Variants in XYLB observed in about 807,000 individuals in gnomAD.
The protein encoded by XYLB is xylulokinase.
In XYLB, 62 loss-of-function variants were observed where a neutral mutation model predicts 78.7. The ratio of observed to expected loss-of-function variants is 0.79; its 90% CI spans 0.64 to 0.97. The LOEUF is 0.97. Among genes scored for constraint, XYLB ranks in the 50% least tolerant of loss-of-function variants. The pLI is 0.00. For missense variants in XYLB, 687 were observed against 676.8 expected (o/e 1.02, Z -0.17); for synonymous variants, 245 against 247.4 (o/e 0.99, Z 0.09).
At chr3:38,437,394 T>C in the XYLB span, among the ~76,000 whole-genome samples, 1 of 152,118 alleles carries the variant, frequency 6.6e-6, no homozygotes, top group Non-Finnish European at 1.5e-5. Flanking sequence ...AACATAGTAC[T>C]GGAAGTCCTA....
At chr3:38,407,891 T>C (rs1263679142) in intron 18 of XYLB, among the ~76,000 whole-genome samples, 3 of 151,372 alleles carry the variant, frequency 2.0e-5, no homozygotes, top group Non-Finnish European at 3.0e-5. Flanking sequence ...AAGCAAGTCC[T>C]GAGTGACCTA....
chr3:38,415,460 C>T (rs548354960), downstream of XYLB, among the ~76,000 whole-genome samples: 185 of 152,214 alleles, frequency 1.2e-3, no homozygotes, highest in Non-Finnish European at 2.2e-3. Context: ...GGTGGAAGAA[C>T]CGTATTAGTC....
In XYLB at chr3:38,374,027, TAA is replaced by T. The variant is rs71959934; in HGVS notation, c.848-424_848-423del. ...AGTGAGACCCCACCTATATATCTCT[TAA>T]AAAAAAAAAAGATTGCTGTTGTGGG... On this transcript the variant is annotated intron_variant, in intron 10 of 18. Coordinates refer to ENST00000207870, the MANE Select transcript of XYLB (RefSeq NM_005108.4). Among the ~76,000 whole-genome samples, 46 of 147,026 alleles carry T rather than the reference TAA, an allele frequency of 3.1e-4. 1 individual carries two copies. The highest frequency in any genetic ancestry group is 1.5e-4 in the Non-Finnish European group (10 of 66,128).
chr3:38,363,054 T>C, intron 4 of XYLB, 37 bp downstream of exon 4: 1 of 1,482,172 alleles, frequency 6.7e-7, no homozygotes, highest in Non-Finnish European at 9.0e-7. Context: ...CATGTGAGGG[T>C]GACTGTCCTG....
chr3:38,356,893 G>C (rs918326635), intron 2 of XYLB: 1 of 152,224 alleles, frequency 6.6e-6, no homozygotes, highest in African/African-American at 2.4e-5. Flanking sequence ...TATATTTGGA[G>C]GTGAGGCCTT....
intron 15 of XYLB, among the ~76,000 whole-genome samples, chr3:38,388,196 T>C: frequency 6.7e-6 from 1 of 150,008 alleles, no homozygotes; most frequent in Non-Finnish European, 1.5e-5. Flanking sequence ...TTTTTTACTT[T>C]TATCATTTAA....
downstream of XYLB, among the ~76,000 whole-genome samples, chr3:38,422,283 C>T (rs1709003092): frequency 6.6e-6 from 1 of 152,102 alleles, no homozygotes; most frequent in African/African-American, 2.4e-5. Flanking sequence ...ACTTCTGTTC[C>T]CTGGAAAGCA....
At chr3:38,422,092 A>C (rs1029500207), downstream of XYLB, among the ~76,000 whole-genome samples, 1 of 152,154 alleles carries the variant, frequency 6.6e-6, no homozygotes, top group African/African-American at 2.4e-5. Context: ...ATTAATCAAC[A>C]TGGACCAGGT....
In XYLB at chr3:38,365,213, A is replaced by C; in HGVS notation, c.306A>C (p.Ile102=). The stretch of plus-strand genomic sequence containing the variant: ...TTTCCCAACAGCAACACGGAAGTAT[A>C]TACTGGAAGGCTGGAGCCCAGCAGG... The part of the protein sequence containing the change: ...LSGAGQQHGS[I]YWKAGAQQAL... Residue 102 remains isoleucine, a synonymous_variant, in exon 5 of 19, where the codon ATA becomes ATC. Transcript: ENST00000207870. 1 of 1,614,184 alleles carries C rather than the reference A, an allele frequency of 6.2e-7. No individual in the cohort carries two copies. The highest frequency in any genetic ancestry group is 8.5e-7 in the Non-Finnish European group (1 of 1,180,040).
intron 1 of XYLB, 118 bp from the exon 2 acceptor site, chr3:38,348,432 G>T: frequency 1.2e-6 from 1 of 847,690 alleles, no homozygotes; most frequent in Non-Finnish European, 1.9e-6. Flanking sequence ...CCTTCAAGGA[G>T]GTCTCTAGGT....
Position 38,366,849 on chromosome 3 carries a change from C to A in XYLB, c.549C>A (p.Asn183Lys), listed in dbSNP as rs1706289580. Residue 183 changes from asparagine to lysine, a missense_variant, in exon 7 of 19, where the codon AAC (asparagine) becomes AAA (lysine). Transcript: ENST00000207870. ...AAATTGCAAAAATTTACCAGCAGAACCCCGAGGCCTACTCACATACGGAGG... is the reference window on the plus strand; with the variant it reads ...AAATTGCAAAAATTTACCAGCAGAAACCCGAGGCCTACTCACATACGGAGG... ...GNQIAKIYQQ[N>K]PEAYSHTERI... 1.2e-6 allele frequency: 2 copies of A among 1,613,122 alleles called. No individual in the cohort carries two copies. The highest frequency in any genetic ancestry group is 2.7e-5 in the African/African-American group (2 of 75,034).
chr3:38,354,434 G>A (rs1705534736), intron 2 of XYLB, among the ~76,000 whole-genome samples: 1 of 151,552 alleles, frequency 6.6e-6, no homozygotes, highest in Admixed American at 6.6e-5. Context: ...GAGTTTCCAT[G>A]GCTATTCTTG....
intron 2 of XYLB, chr3:38,355,966 T>C: frequency 1.7e-6 from 1 of 585,432 alleles, no homozygotes; most frequent in Non-Finnish European, 3.0e-6. Flanking sequence ...AAGAAAATAC[T>C]GGGGCCAGGT....
intron 15 of XYLB, among the ~76,000 whole-genome samples, chr3:38,383,836 C>T (rs1223024859): frequency 6.6e-6 from 1 of 152,132 alleles, no homozygotes; most frequent in Non-Finnish European, 1.5e-5. Flanking sequence ...CCCCTCTCTC[C>T]AACCACTGGT....
the XYLB span, among the ~76,000 whole-genome samples, chr3:38,438,809 C>A: frequency 6.6e-6 from 1 of 152,166 alleles, no homozygotes; most frequent in African/African-American, 2.4e-5. Flanking sequence ...CTGATTGGTC[C>A]ATTTTACAGA....
the XYLB span, among the ~76,000 whole-genome samples, chr3:38,436,782 T>A: frequency 6.6e-6 from 1 of 152,016 alleles, no homozygotes; most frequent in Non-Finnish European, 1.5e-5. Context: ...GGCAGGCAGA[T>A]CACCTGAGGT....
intron 6 of XYLB, 123 bp from the exon 7 acceptor site, chr3:38,366,685 C>T (rs1490078970): frequency 1.5e-6 from 1 of 671,910 alleles, no homozygotes; most frequent in African/African-American, 1.8e-5. Flanking sequence ...TTGGGGCTTA[C>T]TTTTAAAAGC....
At chr3:38,354,564 G>A (rs1240776192) in intron 2 of XYLB, among the ~76,000 whole-genome samples, 1 of 150,362 alleles carries the variant, frequency 6.7e-6, no homozygotes, top group Admixed American at 6.6e-5. Context: ...GTGCAGTGGT[G>A]TGTTCTCTGC....
the XYLB span, among the ~76,000 whole-genome samples, chr3:38,432,088 C>G: frequency 1.3e-5 from 2 of 149,124 alleles, no homozygotes; most frequent in South Asian, 4.3e-4. Context: ...GCGTCACAGC[C>G]AAGCCACATC....
Sources: allele counts gnomAD v4.1 joint callset (sites outside exome capture counted in the v4.1 genomes callset), GRCh38; gene constraint gnomAD v4.1.1; transcripts MANE v1.5; gene names NCBI Gene and HGNC (gene_info 2026-07-23, HGNC 2026-07-21).